The following SOS1 variants were observed in gnomAD, a reference collection of about 807,000 sequenced individuals.
SOS1 encodes son of sevenless homolog 1.
In SOS1, 25 loss-of-function variants were observed where a neutral mutation model predicts 157.6. The ratio of observed to expected loss-of-function variants is 0.16; its 90% CI spans 0.12 to 0.22. The LOEUF (loss-of-function observed/expected upper bound fraction) is 0.22. SOS1 is among the 10% of genes least tolerant of loss of function. The pLI is 1.00. For synonymous variants in SOS1, 528 were observed against 534.0 expected, an observed-to-expected ratio of 0.99 and a Z score of 0.16; for missense variants, 1,237 against 1,599.1, an observed-to-expected ratio of 0.77 and a Z score of 3.86.
At chr2:39,033,157 G>C (rs889242713) in intron 8 of SOS1, among the ~76,000 whole-genome samples, 1 of 136,970 alleles carries the variant, frequency 7.3e-6, no homozygotes, top group East Asian at 2.2e-4. Context: ...TGCAACCTTC[G>C]CCTCCCAGGT....
intron 5 of SOS1, among the ~76,000 whole-genome samples, chr2:39,054,109 A>G (rs181825748): frequency 6.6e-6 from 1 of 152,196 alleles, no homozygotes; most frequent in African/African-American, 2.4e-5. Context: ...TTGTATTTTT[A>G]GTAGAGATGG....
intron 20 of SOS1, among the ~76,000 whole-genome samples, chr2:38,994,630 A>G (rs184933557): frequency 6.6e-6 from 1 of 152,332 alleles, no homozygotes; most frequent in East Asian, 1.9e-4. Flanking sequence ...TCCCTAACTG[A>G]AAAATCTCAA....
intron 8 of SOS1, among the ~76,000 whole-genome samples, chr2:39,029,855 G>C (rs556101705): frequency 6.6e-6 from 1 of 151,980 alleles, no homozygotes; most frequent in Non-Finnish European, 1.5e-5. Context: ...TCAAGGGAAT[G>C]TACACTAGAG....
Position 39,042,397 on chromosome 2 carries a change from G to GTATT in SOS1, c.865-6901_865-6898dup, listed in dbSNP as rs759967184. ...ATCTTCCTTGTGAATCTAATTTTAT[G>GTATT]TATTTATTTATTTATTTATTTTTTG... On this transcript the variant is annotated intron_variant, in intron 6 of 22. Coordinates refer to ENST00000402219, the MANE Select transcript of SOS1 (RefSeq NM_005633.4). 3.2e-3 allele frequency among the ~76,000 whole-genome samples: 485 copies of GTATT among 151,900 alleles called. 2 individuals are homozygous for GTATT. Among genetic ancestry groups the GTATT allele is most frequent in the Admixed American group, 5.6e-3 (85 of 15,222 alleles).
chr2:39,024,498 A>G (rs1219793068), intron 8 of SOS1, among the ~76,000 whole-genome samples: 1 of 151,006 alleles, frequency 6.6e-6, no homozygotes, highest in African/African-American at 2.4e-5. Context: ...TTTTTTTTTA[A>G]GTGTGGAATT....
Position 39,120,692 on chromosome 2 carries a change from C to T in SOS1, c.-270G>A, listed in dbSNP as rs1673847245. 6.8e-6 allele frequency among the ~76,000 whole-genome samples: 1 copy of T among 146,846 alleles called. No individual in the cohort carries two copies. Among genetic ancestry groups the T allele is most frequent in the East Asian group, 2.0e-4 (1 of 5,104 alleles). On this transcript the variant is annotated 5_prime_UTR_variant, in exon 1 of 23. Coordinates refer to ENST00000402219, the MANE Select transcript of SOS1 (RefSeq NM_005633.4). ...CCGCACCACCGCCCCGGGGCCAGGC[C>T]CCCCGCCCCTCCCCGGCCCGCCGGC... is the stretch of plus-strand genomic sequence containing the variant.
At chr2:39,026,373 AAC>A (rs1428023702) in intron 8 of SOS1, among the ~76,000 whole-genome samples, 3,084 of 12,784 alleles carry the variant, frequency 0.24, 149 homozygotes, top group African/African-American at 0.28. Flanking sequence ...AAAAAAAAAA[AAC>A]AGAAAAATTT....
intron 8 of SOS1, among the ~76,000 whole-genome samples, chr2:39,030,127 C>A (rs1670105550): frequency 6.6e-6 from 1 of 151,614 alleles, no homozygotes; most frequent in Non-Finnish European, 1.5e-5. Flanking sequence ...GATAGCACCA[C>A]TGCAATCCAG....
At chr2:39,084,983 G>A (rs181288005) in intron 1 of SOS1, among the ~76,000 whole-genome samples, 3 of 152,106 alleles carry the variant, frequency 2.0e-5, no homozygotes, top group Admixed American at 6.5e-5. Flanking sequence ...CAGATGGGGC[G>A]CTTTATCAAA....
At chr2:39,122,198 G>C (rs1035906282), upstream of SOS1, among the ~76,000 whole-genome samples, 5 of 152,144 alleles carry the variant, frequency 3.3e-5, no homozygotes, top group Non-Finnish European at 5.9e-5. Context: ...AGGAGGCCGA[G>C]GCGGATGGAT....
chr2:39,005,288 G>A (rs1458354823), intron 17 of SOS1, among the ~76,000 whole-genome samples: 2 of 152,112 alleles, frequency 1.3e-5, no homozygotes, highest in Non-Finnish European at 2.9e-5. Context: ...GGAGATGGGA[G>A]CACTACTGTA....
At chr2:39,035,723 T>C (rs1476977173) in intron 6 of SOS1, among the ~76,000 whole-genome samples, 1 of 152,210 alleles carries the variant, frequency 6.6e-6, no homozygotes, top group African/African-American at 2.4e-5. Context: ...CCTTATATGT[T>C]ATAACAGCTC....
chr2:38,985,841 T>C lies in SOS1; in HGVS notation c.3985A>G (p.Asn1329Asp), dbSNP rs756233638. 4 of 1,613,836 alleles carry C rather than the reference T, an allele frequency of 2.5e-6. No individual in the cohort carries two copies. The highest frequency in any genetic ancestry group is 3.4e-6 in the Non-Finnish European group (4 of 1,179,792). Residue 1329 changes from asparagine (N) to aspartate (D), a missense_variant, in exon 23 of 23, where the codon AAT becomes GAT. Around this residue, in one of 15 missense-constraint regions of SOS1, gnomAD observed 306 missense variants for 322.6 expected, o/e 0.95. Coordinates refer to ENST00000402219, the MANE Select transcript of SOS1 (RefSeq NM_005633.4). ...MHRDGPPLLE[N>D]AHSS ...AGAGGAACTCAGGAAGAATGGGCAT[T>C]CTCCAACAGTGGTGGTCCATCTCTG...
chr2:39,085,622 C>A (rs557302196), intron 1 of SOS1, among the ~76,000 whole-genome samples: 1 of 152,166 alleles, frequency 6.6e-6, no homozygotes, highest in Non-Finnish European at 1.5e-5. Context: ...AAATGAATCA[C>A]GTTCCTTGAT....
chr2:39,078,348 G>T (rs297136), intron 1 of SOS1, among the ~76,000 whole-genome samples: 122,284 of 152,184 alleles, frequency 0.8, 51,125 homozygotes, highest in Non-Finnish European at 0.92. Context: ...ACCCATTACT[G>T]GTGGGAATAT....
intron 10 of SOS1, among the ~76,000 whole-genome samples, chr2:39,020,204 C>G (rs374421072): frequency 6.6e-6 from 1 of 151,564 alleles, no homozygotes; most frequent in Non-Finnish European, 1.5e-5. Flanking sequence ...GGCATCTCTT[C>G]TAGCATTAGA....
At chr2:39,007,760 A>G (rs1384613070) in intron 15 of SOS1, among the ~76,000 whole-genome samples, 4 of 152,180 alleles carry the variant, frequency 2.6e-5, no homozygotes, top group Admixed American at 2.0e-4. Flanking sequence ...GACTTGTGGT[A>G]TGATAGTATG....
intron 17 of SOS1, among the ~76,000 whole-genome samples, chr2:39,006,067 C>T (rs1047880575): frequency 1.3e-5 from 2 of 152,014 alleles, no homozygotes; most frequent in African/African-American, 4.8e-5. Flanking sequence ...GATTTTTAGC[C>T]ATGTGAAACT....
At chr2:39,095,725 T>C (rs1242722235) in intron 1 of SOS1, among the ~76,000 whole-genome samples, 2 of 152,208 alleles carry the variant, frequency 1.3e-5, no homozygotes, top group Non-Finnish European at 2.9e-5. Context: ...GAAATTTATA[T>C]AGGATAGAGC....
Sources: gnomAD v4.1 joint callset for allele counts (sites outside exome capture counted in the v4.1 genomes callset) on GRCh38, gnomAD v4.1.1 for gene constraint, gnomAD v4.1.1 regional missense constraint, MANE v1.5 for transcripts, NCBI Gene and HGNC (gene_info 2026-07-23, HGNC 2026-07-21) for gene names.